DISC1: variants seen among roughly 807,000 people sequenced by gnomAD.
DISC1 encodes the protein disrupted in schizophrenia 1 protein.
In DISC1, 57 loss-of-function variants were observed where a neutral mutation model predicts 84.5. That is an observed-to-expected ratio of 0.67 (90% CI 0.55 to 0.84). The LOEUF (loss-of-function observed/expected upper bound fraction) is 0.84, where lower values mean the gene tolerates loss of function less well. Ranked by LOEUF, DISC1 falls within the 40% of genes least tolerant of loss-of-function variation. The probability of loss-of-function intolerance (pLI) is 0.00; values close to 1 mark genes in which losing one functional copy is unlikely to be tolerated. For synonymous variants in DISC1, 411 were observed against 415.2 expected (o/e 0.99, Z 0.12); for missense variants, 1,000 against 1,057.8 (o/e 0.95, Z 0.76).
intron 3 of DISC1, among the ~76,000 whole-genome samples, chr1:231,729,781 G>A (rs952886004): frequency 2.8e-5 from 4 of 144,088 alleles, no homozygotes; most frequent in Middle Eastern, 3.9e-3. Context: ...AGCTGTTCCT[G>A]CTGCCATGTC....
intron 10 of DISC1, among the ~76,000 whole-genome samples, chr1:231,989,473 G>C (rs1664895434): frequency 6.6e-6 from 1 of 152,210 alleles, no homozygotes; most frequent in African/African-American, 2.4e-5. Context: ...CTCTGGTAGG[G>C]AAGCGCATGT....
At chr1:231,864,588 G>A (rs1044411455) in intron 9 of DISC1, among the ~76,000 whole-genome samples, 1 of 152,096 alleles carries the variant, frequency 6.6e-6, no homozygotes, top group Non-Finnish European at 1.5e-5. Context: ...ACATGAACCC[G>A]GGAGGCAGAG....
intron 9 of DISC1, among the ~76,000 whole-genome samples, chr1:231,877,977 C>A (rs1170563640): frequency 6.6e-6 from 1 of 152,148 alleles, no homozygotes; most frequent in African/African-American, 2.4e-5. Flanking sequence ...GACAAATGAA[C>A]TCAAATTGCA....
chr1:231,642,959 A>C (rs1262724488), intron 1 of DISC1, among the ~76,000 whole-genome samples: 3 of 152,196 alleles, frequency 2.0e-5, no homozygotes, highest in Non-Finnish European at 4.4e-5. Flanking sequence ...ACTCAACCTG[A>C]GCATGCACTG....
intron 6 of DISC1, among the ~76,000 whole-genome samples, chr1:231,783,915 C>G (rs2077625057): frequency 1.3e-5 from 2 of 152,132 alleles, no homozygotes. Flanking sequence ...TCCATTATCC[C>G]TTATGATATG....
intron 7 of DISC1, 125 bp from the exon 8 acceptor site, chr1:231,799,983 T>G: frequency 1.7e-6 from 1 of 589,394 alleles, no homozygotes; most frequent in Non-Finnish European, 3.0e-6. Context: ...AACATTGTCT[T>G]CCAATTACTT....
chr1:231,680,404 G>A (rs982562467), intron 1 of DISC1, among the ~76,000 whole-genome samples: 6 of 151,372 alleles, frequency 4.0e-5, no homozygotes, highest in African/African-American at 1.5e-4. Context: ...GTCATGCTCA[G>A]CACCTGCCCC....
At chr1:231,782,755 T>C (rs999084896) in intron 6 of DISC1, among the ~76,000 whole-genome samples, 4 of 151,850 alleles carry the variant, frequency 2.6e-5, no homozygotes, top group Non-Finnish European at 5.9e-5. Flanking sequence ...CTGGCCAACA[T>C]GGCAAAACCC....
At chr1:231,653,671 C>T (rs2060822633) in intron 1 of DISC1, among the ~76,000 whole-genome samples, 2 of 152,062 alleles carry the variant, frequency 1.3e-5, no homozygotes, top group Admixed American at 1.3e-4. Flanking sequence ...TTGCTTTTCC[C>T]CTCACACACA....
intron 9 of DISC1, among the ~76,000 whole-genome samples, chr1:231,948,861 ATTTTTTTT>A (rs58931988): frequency 2.9e-4 from 27 of 94,468 alleles, no homozygotes; most frequent in African/African-American, 1.1e-3. Flanking sequence ...TCCTGTGTTA[ATTTTTTTT>A]TTTTTTTTTT....
rs78487973 is a variant in DISC1, at chr1:231,917,848, C to T, written c.1982-40980C>T. ...CGTCTACTGATTATTAATTAAATAA[C>T]ATTCTTCACCTGTACATGTTATCAC... is the stretch of plus-strand genomic sequence containing the variant. On this transcript the variant is annotated intron_variant, in intron 9 of 12. Coordinates refer to ENST00000439617, the MANE Select transcript of DISC1 (RefSeq NM_018662.3). Among the ~76,000 whole-genome samples the T allele has an allele frequency of 5.1e-3, 779 of 152,352 alleles. 5 individuals are homozygous for T. Among genetic ancestry groups the T allele is most frequent in the African/African-American group, 0.018 (735 of 41,588 alleles).
chr1:231,819,622 A>G (rs1261188961), intron 9 of DISC1, among the ~76,000 whole-genome samples: 4 of 152,134 alleles, frequency 2.6e-5, no homozygotes, highest in Non-Finnish European at 4.4e-5. Context: ...ATGTAACTAG[A>G]GACAGTACGT....
intron 11 of DISC1, among the ~76,000 whole-genome samples, chr1:232,022,560 C>G (rs1030351362): frequency 6.6e-6 from 1 of 152,146 alleles, no homozygotes; most frequent in African/African-American, 2.4e-5. Context: ...CCTGCCTCGG[C>G]CTCCCAAAGT....
At chr1:231,664,039 T>TATCTATCC (rs2061788105) in intron 1 of DISC1, among the ~76,000 whole-genome samples, 1 of 146,420 alleles carries the variant, frequency 6.8e-6, no homozygotes, top group East Asian at 2.1e-4. Flanking sequence ...TCCATCTATC[T>TATCTATCC]ATCCATCCAT....
intron 9 of DISC1, among the ~76,000 whole-genome samples, chr1:231,913,399 G>A (rs959777836): frequency 6.6e-6 from 1 of 152,348 alleles, no homozygotes. Context: ...TAGCTAGCCT[G>A]TATTGCAGGC....
chr1:231,928,048 T>C (rs2090448124), intron 9 of DISC1, among the ~76,000 whole-genome samples: 1 of 152,212 alleles, frequency 6.6e-6, no homozygotes, highest in African/African-American at 2.4e-5. Flanking sequence ...TGCACTCTGA[T>C]TTAGGAAACT....
intron 3 of DISC1, among the ~76,000 whole-genome samples, chr1:231,747,644 A>G (rs1196443700): frequency 1.3e-5 from 2 of 152,152 alleles, no homozygotes; most frequent in Non-Finnish European, 2.9e-5. Flanking sequence ...TGCCAGTACC[A>G]TGTTGTTTTG....
chr1:231,776,793 T>TA, intron 6 of DISC1, among the ~76,000 whole-genome samples: 1 of 152,280 alleles, frequency 6.6e-6, no homozygotes, highest in African/African-American at 2.4e-5. Context: ...AAACATATCT[T>TA]ATTAGAGTGA....
intron 1 of DISC1, among the ~76,000 whole-genome samples, chr1:231,647,423 C>T (rs1008254666): frequency 1.3e-5 from 2 of 152,078 alleles, no homozygotes; most frequent in Non-Finnish European, 2.9e-5. Context: ...ATTGGTCTAT[C>T]TCTCTGTTTT....
Sources: gnomAD v4.1 joint callset for allele counts (sites outside exome capture counted in the v4.1 genomes callset) on GRCh38, gnomAD v4.1.1 for gene constraint, MANE v1.5 for transcripts, NCBI Gene and HGNC (gene_info 2026-07-23, HGNC 2026-07-21) for gene names.